LHFPL6: variants seen among roughly 807,000 people sequenced by gnomAD.
LHFPL6 encodes LHFPL tetraspan subfamily member 6.
A neutral mutation model predicts 20.6 loss-of-function variants in LHFPL6; 9 were observed. The observed-to-expected ratio is 0.44, with a 90% CI of 0.26 to 0.76. The LOEUF is 0.76. Among genes scored for constraint, LHFPL6 ranks in the 30% least tolerant of loss-of-function variants. LHFPL6 has a pLI of 0.20. For missense variants in LHFPL6, 218 were observed against 253.5 expected (o/e 0.86, Z 0.95); for synonymous variants, 105 against 98.7 (o/e 1.06, Z -0.38).
At chr13:39,364,928 G>A (rs974267248) in intron 3 of LHFPL6, among the ~76,000 whole-genome samples, 10 of 152,172 alleles carry the variant, frequency 6.6e-5, no homozygotes, top group Middle Eastern at 3.2e-3. Flanking sequence ...ATGATGTACT[G>A]TTAAGATGAT....
intron 2 of LHFPL6, among the ~76,000 whole-genome samples, chr13:39,444,284 A>G (rs1872226119): frequency 6.6e-6 from 1 of 152,234 alleles, no homozygotes; most frequent in Admixed American, 6.5e-5. Context: ...ATTAAAACGA[A>G]AGCAGAATGG....
chr13:39,583,382 C>G (rs142353576), intron 2 of LHFPL6, among the ~76,000 whole-genome samples: 1,572 of 151,886 alleles, frequency 0.01, 14 homozygotes, highest in African/African-American at 0.031. Flanking sequence ...GCCATGTTGC[C>G]CAGGCTGGTC....
chr13:39,371,640 G>A (rs1335859474), intron 3 of LHFPL6, among the ~76,000 whole-genome samples: 1 of 152,232 alleles, frequency 6.6e-6, no homozygotes, highest in Non-Finnish European at 1.5e-5. Flanking sequence ...CTACACTGAT[G>A]ATAGGACCAC....
intron 2 of LHFPL6, among the ~76,000 whole-genome samples, chr13:39,439,418 C>CA (rs1480961851): frequency 6.6e-6 from 1 of 152,124 alleles, no homozygotes; most frequent in Non-Finnish European, 1.5e-5. Flanking sequence ...AGCCTTGTCT[C>CA]AGATGGGACT....
intron 2 of LHFPL6, among the ~76,000 whole-genome samples, chr13:39,524,609 C>A (rs1399272056): frequency 1.3e-5 from 2 of 152,256 alleles, no homozygotes; most frequent in East Asian, 3.9e-4. Context: ...GGTATCCGGT[C>A]ATTTATAAAA....
At chr13:39,569,156 C>CGGACGGAT (rs754156552) in intron 2 of LHFPL6, among the ~76,000 whole-genome samples, 12 of 97,356 alleles carry the variant, frequency 1.2e-4, no homozygotes, top group African/African-American at 4.0e-4. Context: ...GATGGACGGA[C>CGGACGGAT]GGATGGATGG....
intron 2 of LHFPL6, among the ~76,000 whole-genome samples, chr13:39,396,862 A>G (rs529496): frequency 1 from 151,725 of 152,238 alleles, 75,609 homozygotes; most frequent in Middle Eastern, 1. Flanking sequence ...ACACACACAG[A>G]GGCAGAGTTT....
chr13:39,415,746 T>C (rs1210388505), intron 2 of LHFPL6, among the ~76,000 whole-genome samples: 2 of 152,188 alleles, frequency 1.3e-5, no homozygotes, highest in African/African-American at 2.4e-5. Context: ...AATGGGAGAA[T>C]AAATACAACA....
intron 2 of LHFPL6, among the ~76,000 whole-genome samples, chr13:39,380,161 G>C (rs1239656265): frequency 1.3e-5 from 2 of 152,122 alleles, no homozygotes; most frequent in Non-Finnish European, 2.9e-5. Context: ...TTCCATGAAT[G>C]TTTAATAAAC....
chr13:39,516,777 T>C (rs974418723), intron 2 of LHFPL6, among the ~76,000 whole-genome samples: 7 of 131,004 alleles, frequency 5.3e-5, no homozygotes, highest in African/African-American at 2.1e-4. Flanking sequence ...AGATGTGGAT[T>C]TACTCTGATG....
At chr13:39,570,809 CGT>C (rs1440528877) in intron 2 of LHFPL6, among the ~76,000 whole-genome samples, 1 of 152,004 alleles carries the variant, frequency 6.6e-6, no homozygotes, top group Non-Finnish European at 1.5e-5. Flanking sequence ...GGGCATGCCA[CGT>C]GTGTGTTTTT....
At chr13:39,362,163 AG>A (rs1244848857) in intron 3 of LHFPL6, among the ~76,000 whole-genome samples, 2 of 152,168 alleles carry the variant, frequency 1.3e-5, no homozygotes, top group East Asian at 1.9e-4. Flanking sequence ...GTGTTGGAGG[AG>A]GGGCCTGGTG....
At chr13:39,359,327 TAGG>T (rs1392588092) in intron 3 of LHFPL6, among the ~76,000 whole-genome samples, 2 of 152,188 alleles carry the variant, frequency 1.3e-5, no homozygotes, top group Non-Finnish European at 2.9e-5. Context: ...ATCTCACTGC[TAGG>T]TATATGCCCA....
intron 3 of LHFPL6, among the ~76,000 whole-genome samples, chr13:39,371,927 G>A (rs1178612974): frequency 6.6e-6 from 1 of 152,230 alleles, no homozygotes; most frequent in East Asian, 1.9e-4. Flanking sequence ...CATGAACAAG[G>A]ATGTTTAAAG....
At chr13:39,573,040 T>C (rs564402205) in intron 2 of LHFPL6, among the ~76,000 whole-genome samples, 26 of 152,314 alleles carry the variant, frequency 1.7e-4, no homozygotes, top group African/African-American at 5.8e-4. Context: ...ACAACCAGGA[T>C]TGAAACTAAA....
chr13:39,478,684 G>C (rs2138442843), intron 2 of LHFPL6, among the ~76,000 whole-genome samples: 1 of 152,228 alleles, frequency 6.6e-6, no homozygotes, highest in South Asian at 2.1e-4. Flanking sequence ...ATAAGCACCT[G>C]GATAGAGCAA....
intron 2 of LHFPL6, among the ~76,000 whole-genome samples, chr13:39,423,118 G>A (rs1383993175): frequency 2.6e-5 from 4 of 152,068 alleles, no homozygotes; most frequent in Non-Finnish European, 5.9e-5. Context: ...GATTGGGGTG[G>A]GGACACAGCC....
chr13:39,428,194 T>C (rs1054957163), intron 2 of LHFPL6, among the ~76,000 whole-genome samples: 1 of 152,204 alleles, frequency 6.6e-6, no homozygotes, highest in Non-Finnish European at 1.5e-5. Flanking sequence ...TTCTTGAATG[T>C]CTTTGTCTGG....
intron 2 of LHFPL6, among the ~76,000 whole-genome samples, chr13:39,578,580 C>A (rs2138537095): frequency 6.6e-6 from 1 of 152,290 alleles, no homozygotes; most frequent in South Asian, 2.1e-4. Flanking sequence ...ACACAGAGGA[C>A]ACGGGGCAAG....
Sources: gnomAD v4.1 joint callset for allele counts (sites outside exome capture counted in the v4.1 genomes callset) on GRCh38, gnomAD v4.1.1 for gene constraint, MANE v1.5 for transcripts, NCBI Gene and HGNC (gene_info 2026-07-23, HGNC 2026-07-21) for gene names.